PLOD2: variants seen among roughly 807,000 people sequenced by gnomAD.
PLOD2 encodes lysine hydroxylase 2.
A neutral mutation model predicts 101.0 loss-of-function variants in PLOD2; 65 were observed. The observed-to-expected ratio is 0.64, with a 90% CI of 0.53 to 0.79. The LOEUF is 0.79. Ranked by LOEUF, PLOD2 falls within the 30% of genes least tolerant of loss-of-function variation. PLOD2 has a pLI of 0.00. For missense variants in PLOD2, 909 were observed against 914.6 expected, an observed-to-expected ratio of 0.99 and a Z score of 0.08; for synonymous variants, 314 against 302.9, an observed-to-expected ratio of 1.04 and a Z score of -0.38.
intron 1 of PLOD2, among the ~76,000 whole-genome samples, chr3:146,156,572 GT>G (rs1262656956): frequency 1.3e-5 from 2 of 152,226 alleles, no homozygotes; most frequent in African/African-American, 4.8e-5. Context: ...ACAAACACAG[GT>G]AGCTGTTTGG....
At chr3:146,142,817 C>A (rs1481256526) in intron 1 of PLOD2, among the ~76,000 whole-genome samples, 1 of 152,122 alleles carries the variant, frequency 6.6e-6, no homozygotes, top group African/African-American at 2.4e-5. Flanking sequence ...GCATTGTCAG[C>A]ACATTCCAAT....
intron 14 of PLOD2, chr3:146,077,331 T>C (rs957368354): frequency 3.9e-5 from 8 of 206,530 alleles, no homozygotes; most frequent in African/African-American, 4.7e-5. Flanking sequence ...GTTTCATTCC[T>C]TTCTTTTTCT....
intron 3 of PLOD2, among the ~76,000 whole-genome samples, chr3:146,118,637 T>A (rs1348864572): frequency 6.6e-6 from 1 of 151,998 alleles, no homozygotes; most frequent in Admixed American, 6.6e-5. Flanking sequence ...ATAAAGGAAG[T>A]AGTAACTAAT....
rs779364239 is a variant in PLOD2 at position 146,110,467 on chromosome 3, ATG to A, written c.339-21_339-20del. Reference sequence around the variant, plus strand: ...ATCAAAGCTGTTCAATGAGGAAAAAATGTGTTTTAAAATACACTTGTCAGAAT... The same window carrying A: ...ATCAAAGCTGTTCAATGAGGAAAAAATGTTTTAAAATACACTTGTCAGAAT... On this transcript the variant is annotated intron_variant, in intron 3 of 19. Coordinates refer to ENST00000282903, the MANE Select transcript of PLOD2 (RefSeq NM_182943.3). The A allele has an allele frequency of 6.4e-7, 1 of 1,561,690 alleles. No homozygotes were observed. The highest frequency in any genetic ancestry group is 8.7e-7 in the Non-Finnish European group (1 of 1,147,308).
At chr3:146,092,989 T>G (rs112998155) in intron 7 of PLOD2, among the ~76,000 whole-genome samples, 42 of 152,258 alleles carry the variant, frequency 2.8e-4, no homozygotes, top group Admixed American at 4.6e-4. Flanking sequence ...ATCAATAATT[T>G]TTCATTGGAA....
intron 14 of PLOD2, chr3:146,077,101 G>A: frequency 8.1e-7 from 1 of 1,234,296 alleles, no homozygotes. Context: ...AAAACTAGTA[G>A]ATAGCACTGA....
intron 11 of PLOD2, 115 bp from the exon 12 acceptor site, chr3:146,081,978 A>G (rs1936558282): frequency 2.5e-6 from 2 of 793,732 alleles, no homozygotes; most frequent in Non-Finnish European, 3.9e-6. Context: ...AAGAAAGCTC[A>G]TTCAACAAAC....
chr3:146,076,881 G>A lies in PLOD2; in HGVS notation c.1578C>T (p.Tyr526=). ...TTCCAAATTCATGTCTATTAGAAAT[G>A]TACATAAATACACCCTATATGCCAG... ...MLSPPKGVFM[Y]ISNRHEFGRL... The change falls in exon 15 of 20, where the codon TAC becomes TAT. Residue 526 remains tyrosine (Y), a synonymous_variant. Transcript: ENST00000282903. 6.5e-7 allele frequency: 1 copy of A among 1,546,658 alleles called. No homozygotes were observed. Among genetic ancestry groups the A allele is most frequent in the Non-Finnish European group, 8.9e-7 (1 of 1,119,956 alleles).
intron 1 of PLOD2, among the ~76,000 whole-genome samples, chr3:146,142,055 T>C (rs141133805): frequency 6.6e-6 from 1 of 152,172 alleles, no homozygotes; most frequent in Middle Eastern, 3.4e-3. Context: ...ATTTACTGTA[T>C]CTAACCATAC....
At chr3:146,085,611 C>T (rs976872055) in intron 10 of PLOD2, 10 of 304,390 alleles carry the variant, frequency 3.3e-5, no homozygotes, top group African/African-American at 1.9e-4. Flanking sequence ...ATGCAACTTA[C>T]ATATCCCACA....
In PLOD2 at chr3:146,161,059, G is replaced by A. The variant is rs955823876; in HGVS notation, c.-70C>T. On this transcript the variant is annotated 5_prime_UTR_variant, in exon 1 of 20. Transcript: ENST00000282903. ...GCAGCGCCGCGCTTCTCGCGAGAAC[G>A]CAGAGACCCGGGTCCGCCCTGAGCC... 24 of 1,147,618 alleles carry A rather than the reference G, an allele frequency of 2.1e-5. No homozygotes were observed. In the African/African-American group the frequency reaches 3.4e-4, roughly 16 times the overall value. 71.1% of individuals were successfully genotyped at this position (1,147,618 alleles called of 1,614,324 possible). A position where few individuals can be genotyped will look rare whatever the true frequency, so the allele number is the denominator to read the frequency against.
chr3:146,145,650 A>G (rs968087447), intron 1 of PLOD2, among the ~76,000 whole-genome samples: 4 of 152,146 alleles, frequency 2.6e-5, no homozygotes, highest in Non-Finnish European at 5.9e-5. Context: ...TAAATTTACA[A>G]TTAGAAAGTA....
intron 1 of PLOD2, among the ~76,000 whole-genome samples, chr3:146,132,313 G>T (rs1355904829): frequency 6.6e-6 from 1 of 152,016 alleles, no homozygotes; most frequent in Non-Finnish European, 1.5e-5. Context: ...GGATGGAGAG[G>T]GCAAGTATCG....
At chr3:146,111,721 T>TAA (rs11425603) in intron 3 of PLOD2, among the ~76,000 whole-genome samples, 2,493 of 150,168 alleles carry the variant, frequency 0.017, 68 homozygotes, top group African/African-American at 0.055. Context: ...CCCTGTTTAT[T>TAA]AAAAAAAAAA....
chr3:146,137,127 C>A (rs991498702), intron 1 of PLOD2, among the ~76,000 whole-genome samples: 3 of 152,048 alleles, frequency 2.0e-5, no homozygotes, highest in African/African-American at 7.2e-5. Context: ...CCAAGATGAC[C>A]TGCGATTTTT....
intron 9 of PLOD2, among the ~76,000 whole-genome samples, chr3:146,087,248 G>C (rs1015596373): frequency 7.2e-5 from 11 of 151,844 alleles, no homozygotes; most frequent in Non-Finnish European, 1.5e-4. Context: ...TTTCCAACTG[G>C]AGAAGAAAAA....
chr3:146,079,174 T>C lies in PLOD2; in HGVS notation c.1442A>G (p.Tyr481Cys), dbSNP rs1936444883. 5 of 1,612,410 alleles carry C rather than the reference T, an allele frequency of 3.1e-6. No individual in the cohort carries two copies. The highest frequency in any genetic ancestry group is 1.3e-5 in the African/African-American group (1 of 74,876). The change falls in exon 13 of 20, where the codon TAT (tyrosine) becomes TGT (cysteine). Residue 481 changes from tyrosine to cysteine, a missense_variant. Tyr to Cys is a radical substitution (Grantham distance 194). Transcript: ENST00000282903. ...TLRSEMNERN[Y>C]FVRDKLDPDM... ...AGGATCCAGTTTATCACGAACAAAATAGTTCCTTTCATTCATCTCTGATCG... is the reference window on the plus strand; with the variant it reads ...AGGATCCAGTTTATCACGAACAAAACAGTTCCTTTCATTCATCTCTGATCG...
At chr3:146,086,194 T>G (rs141561964) in intron 10 of PLOD2, 2 of 152,330 alleles carry the variant, frequency 1.3e-5, no homozygotes, top group Non-Finnish European at 2.9e-5. Context: ...TATTTCCTGA[T>G]GAGAATGGAT....
intron 1 of PLOD2, among the ~76,000 whole-genome samples, chr3:146,143,982 C>T (rs1430732020): frequency 2.0e-5 from 3 of 152,022 alleles, no homozygotes; most frequent in Non-Finnish European, 4.4e-5. Context: ...TCTGCAGACA[C>T]ATCAAACACA....
Sources: gnomAD v4.1 joint callset for allele counts (sites outside exome capture counted in the v4.1 genomes callset) on GRCh38, gnomAD v4.1.1 for gene constraint, MANE v1.5 for transcripts, NCBI Gene and HGNC (gene_info 2026-07-23, HGNC 2026-07-21) for gene names.